The following ATXN7L1 variants were observed in gnomAD, a reference collection of about 807,000 sequenced individuals.
ATXN7L1 encodes the protein ataxin 7 like 1.
Under a neutral mutation model 70.8 loss-of-function variants are expected in ATXN7L1, and 15 were observed. The observed-to-expected ratio is 0.21, with a 90% confidence interval of 0.14 to 0.33. The LOEUF (loss-of-function observed/expected upper bound fraction) is 0.33, where lower values mean the gene tolerates loss of function less well. ATXN7L1 is among the 10% of genes least tolerant of loss of function. The probability of loss-of-function intolerance (pLI) is 1.00; values close to 1 mark genes in which losing one functional copy is unlikely to be tolerated. For missense variants in ATXN7L1, 975 were observed against 1,097.1 expected, an observed-to-expected ratio of 0.89 and a Z score of 1.57; for synonymous variants, 440 against 445.1, an observed-to-expected ratio of 0.99 and a Z score of 0.14.
chr7:105,831,027 G>T (rs1248744084), intron 2 of ATXN7L1, among the ~76,000 whole-genome samples: 2 of 152,186 alleles, frequency 1.3e-5, no homozygotes, highest in Non-Finnish European at 2.9e-5. Context: ...AACCACAACA[G>T]TTCCTCTTTT....
intron 2 of ATXN7L1, among the ~76,000 whole-genome samples, chr7:105,824,576 C>G (rs939746999): frequency 6.6e-6 from 1 of 151,930 alleles, no homozygotes; most frequent in Admixed American, 6.5e-5. Flanking sequence ...CTTACAAGAG[C>G]CTTCAAAAAA....
rs1366890949 is a variant in ATXN7L1, at chr7:105,667,509, C to A, written c.356-2221G>T. 2.9e-5 allele frequency among the ~76,000 whole-genome samples: 4 copies of A among 139,190 alleles called. 1 individual carries two copies. The highest frequency in any genetic ancestry group is 6.3e-5 in the Non-Finnish European group (4 of 63,942). The allele number at this position is 139,190 out of a possible 152,430, so 91.3% of individuals were successfully genotyped here. A position where few individuals can be genotyped will look rare whatever the true frequency, so the allele number is the denominator to read the frequency against. On this transcript the variant is annotated intron_variant, in intron 3 of 11. Transcript: ENST00000419735. ...GGTCAGGAGATCGAGACCATCCCGGCTAAAATGGTGAAACCCCGTCTCTAC... is the reference window on the plus strand; with the variant it reads ...GGTCAGGAGATCGAGACCATCCCGGATAAAATGGTGAAACCCCGTCTCTAC...
At chr7:105,672,744 C>T (rs1342949688) in intron 3 of ATXN7L1, among the ~76,000 whole-genome samples, 1 of 152,148 alleles carries the variant, frequency 6.6e-6, no homozygotes, top group Non-Finnish European at 1.5e-5. Context: ...CTCTCCTTTC[C>T]CACTGTCTGT....
At chr7:105,835,141 AGTGT>A (rs1435477961) in intron 2 of ATXN7L1, among the ~76,000 whole-genome samples, 4 of 123,564 alleles carry the variant, frequency 3.2e-5, no homozygotes, top group Middle Eastern at 4.2e-3. Flanking sequence ...ATAATTTATA[AGTGT>A]GTGGTTTTTT....
intron 2 of ATXN7L1, among the ~76,000 whole-genome samples, chr7:105,797,886 C>T (rs1806228579): frequency 6.6e-6 from 1 of 152,176 alleles, no homozygotes; most frequent in African/African-American, 2.4e-5. Context: ...TGTGACTTAT[C>T]GCCCTTCCTA....
intron 2 of ATXN7L1, among the ~76,000 whole-genome samples, chr7:105,809,728 A>AG (rs1225686619): frequency 6.6e-6 from 1 of 152,024 alleles, no homozygotes; most frequent in African/African-American, 2.4e-5. Flanking sequence ...AGGGAGGTGA[A>AG]GTGAGGTGCC....
At chr7:105,741,437 T>C (rs990543746) in intron 3 of ATXN7L1, among the ~76,000 whole-genome samples, 1 of 152,190 alleles carries the variant, frequency 6.6e-6, no homozygotes, top group African/African-American at 2.4e-5. Flanking sequence ...TTCAACAGGA[T>C]AGTGTTTGAT....
intron 2 of ATXN7L1, among the ~76,000 whole-genome samples, chr7:105,859,463 C>CCCA (rs1164445901): frequency 2.6e-5 from 4 of 152,052 alleles, no homozygotes; most frequent in Non-Finnish European, 2.9e-5. Context: ...CAACAACAGG[C>CCCA]CCATACTCAG....
At chr7:105,720,049 C>T (rs1795004353) in intron 3 of ATXN7L1, among the ~76,000 whole-genome samples, 1 of 152,164 alleles carries the variant, frequency 6.6e-6, no homozygotes, top group Non-Finnish European at 1.5e-5. Flanking sequence ...TAATAAGAAG[C>T]CTGGTGGCAT....
At chr7:105,727,779 C>CAA (rs1337554948) in intron 3 of ATXN7L1, among the ~76,000 whole-genome samples, 1 of 66,864 alleles carries the variant, frequency 1.5e-5, no homozygotes, top group Non-Finnish European at 2.6e-5. Context: ...TATATATATA[C>CAA]ACACACATAC....
Position 105,660,576 on chromosome 7 carries a change from C to CTTTTT in ATXN7L1, c.578+4485_578+4489dup, listed in dbSNP as rs34008024. Reference sequence around the variant, plus strand: ...GTCCTTCTAATTTAGCGGAAGTGACCTTTTTTTTTTTTTTTTTTTTTTTTG... The same window carrying CTTTTT: ...GTCCTTCTAATTTAGCGGAAGTGACCTTTTTTTTTTTTTTTTTTTTTTTTTTTTTG... On this transcript the variant is annotated intron_variant, in intron 4 of 11. Coordinates refer to ENST00000419735, the MANE Select transcript of ATXN7L1 (RefSeq NM_020725.2). 8.4e-4 allele frequency among the ~76,000 whole-genome samples: 66 copies of CTTTTT among 78,162 alleles called. 1 individual carries two copies. Among genetic ancestry groups the CTTTTT allele is most frequent in the African/African-American group, 1.0e-3 (19 of 18,968 alleles). 51.3% of individuals were successfully genotyped at this position (78,162 alleles called of 152,430 possible). A position where few individuals can be genotyped will look rare whatever the true frequency, so the allele number is the denominator to read the frequency against.
Position 105,860,744 on chromosome 7 carries a change from TA to T in ATXN7L1, c.250+15067del, listed in dbSNP as rs1195025793. Among the ~76,000 whole-genome samples the T allele has an allele frequency of 5.3e-5, 8 of 152,118 alleles. No individual in the cohort carries two copies. In the East Asian group the frequency reaches 1.5e-3, roughly 29 times the overall value. ...GTATAGTATTTTACCACAATTTTCT[TA>T]AAAAAAGAAAAAGACAATACAGGTA... On this transcript the variant is annotated intron_variant, in intron 2 of 11. Coordinates refer to ENST00000419735, the MANE Select transcript of ATXN7L1 (RefSeq NM_020725.2).
intron 3 of ATXN7L1, among the ~76,000 whole-genome samples, chr7:105,700,500 C>G (rs887427827): frequency 2.7e-5 from 3 of 112,014 alleles, no homozygotes; most frequent in African/African-American, 1.2e-4. Context: ...CAGGGCAAGA[C>G]TCTGTCTCAA....
intron 2 of ATXN7L1, among the ~76,000 whole-genome samples, chr7:105,797,584 T>C (rs75325341): frequency 1.3e-5 from 2 of 152,358 alleles, no homozygotes; most frequent in South Asian, 2.1e-4. Flanking sequence ...AAGTTCAAAT[T>C]TGGCATTTGG....
intron 3 of ATXN7L1, among the ~76,000 whole-genome samples, chr7:105,710,697 C>T (rs1793797718): frequency 1.3e-5 from 2 of 152,274 alleles, no homozygotes; most frequent in East Asian, 3.9e-4. Context: ...AGGCATGAGC[C>T]ACCACACTTT....
At chr7:105,711,129 T>C (rs1009605320) in intron 3 of ATXN7L1, among the ~76,000 whole-genome samples, 1 of 152,114 alleles carries the variant, frequency 6.6e-6, no homozygotes, top group Admixed American at 6.5e-5. Context: ...CAAGGTGAGA[T>C]TTGGGTGGGG....
At chr7:105,686,510 C>T (rs1421198875) in intron 3 of ATXN7L1, among the ~76,000 whole-genome samples, 1 of 152,102 alleles carries the variant, frequency 6.6e-6, no homozygotes, top group Non-Finnish European at 1.5e-5. Flanking sequence ...GAGTGAAAGT[C>T]CATCTCAAAA....
intron 2 of ATXN7L1, chr7:105,875,266 G>C (rs1043583253): frequency 2.0e-4 from 31 of 154,636 alleles, no homozygotes; most frequent in Non-Finnish European, 4.3e-4. Flanking sequence ...CTGCTGAGGG[G>C]CTGCACATAC....
chr7:105,765,373 G>A (rs940129215), intron 3 of ATXN7L1, among the ~76,000 whole-genome samples: 1 of 151,776 alleles, frequency 6.6e-6, no homozygotes, highest in Admixed American at 6.6e-5. Context: ...TGTGTGCTGG[G>A]CTTGGGATAT....
Sources: gnomAD v4.1 joint callset for allele counts (sites outside exome capture counted in the v4.1 genomes callset) on GRCh38, gnomAD v4.1.1 for gene constraint, MANE v1.5 for transcripts, NCBI Gene and HGNC (gene_info 2026-07-23, HGNC 2026-07-21) for gene names.